Variants in HS3ST4 observed in about 807,000 individuals in gnomAD.
HS3ST4 encodes heparan sulfate-glucosamine 3-sulfotransferase 4, also known as heparan sulfate glucosamine 3-O-sulfotransferase 4.
HS3ST4 carries 17 observed loss-of-function variants against 29.2 expected under a neutral mutation model. The ratio of observed to expected loss-of-function variants is 0.58; its 90% CI spans 0.40 to 0.87. The LOEUF is 0.87. HS3ST4 is among the 40% of genes least tolerant of loss of function. The pLI, the probability that HS3ST4 is intolerant of heterozygous loss-of-function variation, is 0.00. For missense variants in HS3ST4, 627 were observed against 634.5 expected (o/e 0.99, Z 0.13); for synonymous variants, 314 against 285.7 (o/e 1.10, Z -1.00).
chr16:25,693,409 T>A (rs1426893903), intron 1 of HS3ST4, among the ~76,000 whole-genome samples: 2 of 151,966 alleles, frequency 1.3e-5, no homozygotes, highest in African/African-American at 4.8e-5. Flanking sequence ...TCCAAGGAGG[T>A]GCTGTCTGAA....
chr16:25,876,204 C>T (rs1412039827), intron 1 of HS3ST4, among the ~76,000 whole-genome samples: 1 of 152,116 alleles, frequency 6.6e-6, no homozygotes, highest in East Asian at 1.9e-4. Flanking sequence ...TTCTGACATG[C>T]CAGTTTTGCA....
At chr16:26,133,624 G>A (rs1899447194) in intron 1 of HS3ST4, among the ~76,000 whole-genome samples, 1 of 152,148 alleles carries the variant, frequency 6.6e-6, no homozygotes, top group Non-Finnish European at 1.5e-5. Flanking sequence ...ATTTCTCTAC[G>A]AGGCAAATTC....
chr16:25,967,061 TC>T (rs1968849559), intron 1 of HS3ST4, among the ~76,000 whole-genome samples: 1 of 152,234 alleles, frequency 6.6e-6, no homozygotes, highest in Admixed American at 6.5e-5. Context: ...GATCCAGCCC[TC>T]TGAGGTGTAA....
rs752633340 is a variant in HS3ST4, at chr16:25,692,983, C to T, written c.566C>T (p.Thr189Ile). 6.2e-6 allele frequency: 10 copies of T among 1,610,966 alleles called. No homozygotes were observed. The highest frequency in any genetic ancestry group is 1.3e-5 in the African/African-American group (1 of 74,880). The change falls in exon 1 of 2, where the codon ACC (threonine) becomes ATC (isoleucine). Residue 189 changes from threonine to isoleucine, a missense_variant. Transcript: ENST00000331351. ...GSSERGGAVS[T>I]PDYGEKKLPQ... ...AGCGAGAGGGGCGGCGCCGTCAGCA[C>T]CCCCGACTATGGGGAGAAGAAGCTG...
chr16:26,024,286 G>A (rs201888029), intron 1 of HS3ST4, among the ~76,000 whole-genome samples: 2 of 151,246 alleles, frequency 1.3e-5, no homozygotes, highest in East Asian at 3.9e-4. Context: ...ATGGTATCCA[G>A]GACATGTCAG....
intron 1 of HS3ST4, among the ~76,000 whole-genome samples, chr16:25,908,518 C>T (rs1968201841): frequency 2.0e-5 from 3 of 152,148 alleles, no homozygotes; most frequent in Admixed American, 2.0e-4. Context: ...ACAAACAAGG[C>T]ATCTCACCCT....
rs140970166 is a variant in HS3ST4 at position 26,040,461 on chromosome 16, G to A, written c.735-95151G>A. 3.1e-3 allele frequency among the ~76,000 whole-genome samples: 470 copies of A among 152,026 alleles called. 3 individuals carry two copies. Among genetic ancestry groups the A allele is most frequent in the African/African-American group, 0.011 (444 of 41,484 alleles). Reference sequence around the variant, plus strand: ...TGGGATTACAGGCGCATGCCAACACGCCCAGCTAATTTTTTGTATTTTTAG... The same window carrying A: ...TGGGATTACAGGCGCATGCCAACACACCCAGCTAATTTTTTGTATTTTTAG... On this transcript the variant is annotated intron_variant, in intron 1 of 1. Transcript: ENST00000331351.
At chr16:25,981,032 T>C (rs1968998623) in intron 1 of HS3ST4, among the ~76,000 whole-genome samples, 1 of 152,046 alleles carries the variant, frequency 6.6e-6, no homozygotes. Flanking sequence ...GATAGAGGAA[T>C]AGTGGCTTGG....
At chr16:26,098,835 A>G (rs1163566597) in intron 1 of HS3ST4, among the ~76,000 whole-genome samples, 1 of 152,112 alleles carries the variant, frequency 6.6e-6, no homozygotes, top group Non-Finnish European at 1.5e-5. Flanking sequence ...ATTGATGGAT[A>G]GAGGAAAGAA....
chr16:26,001,837 A>G (rs1421216365), intron 1 of HS3ST4, among the ~76,000 whole-genome samples: 2 of 152,112 alleles, frequency 1.3e-5, no homozygotes, highest in African/African-American at 4.8e-5. Flanking sequence ...GAGGGAGACA[A>G]CCTGGAAGGG....
At chr16:25,763,189 G>A (rs1038896198) in intron 1 of HS3ST4, among the ~76,000 whole-genome samples, 2 of 152,182 alleles carry the variant, frequency 1.3e-5, no homozygotes, top group African/African-American at 4.8e-5. Flanking sequence ...AAGGTCATGT[G>A]AGGTCTAAGA....
At chr16:26,008,373 A>G (rs1478578247) in intron 1 of HS3ST4, among the ~76,000 whole-genome samples, 11 of 152,276 alleles carry the variant, frequency 7.2e-5, no homozygotes, top group Admixed American at 5.9e-4. Flanking sequence ...CCCAATTCCT[A>G]GTCTCTGGTG....
chr16:25,953,471 C>T (rs982932760), intron 1 of HS3ST4, among the ~76,000 whole-genome samples: 10 of 152,186 alleles, frequency 6.6e-5, no homozygotes, highest in South Asian at 2.1e-4. Context: ...CTTTGCTACC[C>T]AGTGAGGCCA....
chr16:26,110,911 A>G (rs1270792463), intron 1 of HS3ST4, among the ~76,000 whole-genome samples: 2 of 151,660 alleles, frequency 1.3e-5, no homozygotes, highest in Non-Finnish European at 2.9e-5. Flanking sequence ...TCTTTTCACT[A>G]TTTCTTTTTA....
At chr16:26,051,261 A>C (rs948221025) in intron 1 of HS3ST4, among the ~76,000 whole-genome samples, 1 of 152,000 alleles carries the variant, frequency 6.6e-6, no homozygotes, top group African/African-American at 2.4e-5. Flanking sequence ...ACACCTGCCT[A>C]CTGTGCCTTT....
chr16:25,880,551 T>C (rs1023311446), intron 1 of HS3ST4, among the ~76,000 whole-genome samples: 55 of 152,192 alleles, frequency 3.6e-4, no homozygotes, highest in African/African-American at 1.3e-3. Context: ...GTGACATCTT[T>C]TAAAATCCCT....
At chr16:25,901,372 C>T (rs1301711708) in intron 1 of HS3ST4, among the ~76,000 whole-genome samples, 1 of 152,198 alleles carries the variant, frequency 6.6e-6, no homozygotes, top group Non-Finnish European at 1.5e-5. Context: ...AGCAACCATT[C>T]TTAAAATGCT....
In HS3ST4 at chr16:25,903,304, A is replaced by G. The variant is rs12923252; in HGVS notation, c.734+210153A>G. Among the ~76,000 whole-genome samples, 152 of 72,722 alleles carry G rather than the reference A, an allele frequency of 2.1e-3. 1 individual carries two copies. Among genetic ancestry groups the G allele is most frequent in the Admixed American group, 3.5e-3 (23 of 6,590 alleles). 47.7% of individuals were successfully genotyped at this position (72,722 alleles called of 152,430 possible). A position where few individuals can be genotyped will look rare whatever the true frequency, so the allele number is the denominator to read the frequency against. Reference sequence around the variant, plus strand: ...TGTGTGTGTGTGTGTGTGTGTGTGTATGTATATGTATATATTATATATATG... The same window carrying G: ...TGTGTGTGTGTGTGTGTGTGTGTGTGTGTATATGTATATATTATATATATG... On this transcript the variant is annotated intron_variant, in intron 1 of 1. Transcript: ENST00000331351.
chr16:25,716,909 C>A (rs1966458141), intron 1 of HS3ST4, among the ~76,000 whole-genome samples: 1 of 152,066 alleles, frequency 6.6e-6, no homozygotes, highest in South Asian at 2.1e-4. Context: ...CAAAAATTAG[C>A]CGGGCATGAT....
Sources: allele counts gnomAD v4.1 joint callset (sites outside exome capture counted in the v4.1 genomes callset), GRCh38; gene constraint gnomAD v4.1.1; transcripts MANE v1.5; gene names NCBI Gene and HGNC (gene_info 2026-07-23, HGNC 2026-07-21).